SGMS2: variants seen among roughly 807,000 people sequenced by gnomAD.
The protein encoded by SGMS2 is sphingomyelin synthase 2, also known as phosphatidylcholine:ceramide cholinephosphotransferase 2.
SGMS2 carries 21 observed loss-of-function variants against 43.8 expected under a neutral mutation model. That is an observed-to-expected ratio of 0.48 (90% CI 0.34 to 0.69). The LOEUF (loss-of-function observed/expected upper bound fraction) is 0.69, where lower values mean the gene tolerates loss of function less well. SGMS2 is among the 30% of genes least tolerant of loss of function. The pLI is 0.01. For missense variants in SGMS2, 384 were observed against 443.2 expected (o/e 0.87, Z 1.20); for synonymous variants, 167 against 160.6 (o/e 1.04, Z -0.30).
chr4:107,891,877 G>A (rs548054652), intron 2 of SGMS2, among the ~76,000 whole-genome samples: 2 of 152,168 alleles, frequency 1.3e-5, no homozygotes, highest in South Asian at 4.1e-4. Flanking sequence ...GAGCCTACAC[G>A]TTGAACATAC....
chr4:107,834,244 A>G (rs1229003593), intron 1 of SGMS2, among the ~76,000 whole-genome samples: 2 of 152,196 alleles, frequency 1.3e-5, no homozygotes, highest in Non-Finnish European at 2.9e-5. Context: ...TTACATTTTG[A>G]CGGCTGTTTT....
chr4:107,832,553 T>C (rs114218345), intron 1 of SGMS2, among the ~76,000 whole-genome samples: 2,750 of 152,336 alleles, frequency 0.018, 49 homozygotes, highest in Non-Finnish European at 0.03. Flanking sequence ...CTGCAGAGTC[T>C]AATCACTGCA....
chr4:107,901,561 A>G (rs1018260611), intron 4 of SGMS2, among the ~76,000 whole-genome samples: 1 of 152,230 alleles, frequency 6.6e-6, no homozygotes, highest in Non-Finnish European at 1.5e-5. Context: ...AGACATGCTT[A>G]CAAGAGCCAA....
intron 1 of SGMS2, among the ~76,000 whole-genome samples, chr4:107,834,524 G>A (rs1056847461): frequency 1.3e-5 from 2 of 152,160 alleles, no homozygotes; most frequent in East Asian, 3.9e-4. Context: ...TACTGGGATG[G>A]TGGAGATTAT....
chr4:107,896,155 C>G (rs1261367365), intron 3 of SGMS2, 147 bp downstream of exon 3: 18 of 755,776 alleles, frequency 2.4e-5, no homozygotes, highest in Non-Finnish European at 3.5e-5. Flanking sequence ...AAAGCTCTAC[C>G]ACATTGAATA....
intron 1 of SGMS2, among the ~76,000 whole-genome samples, chr4:107,850,394 A>T (rs144146153): frequency 6.6e-6 from 1 of 152,306 alleles, no homozygotes; most frequent in Non-Finnish European, 1.5e-5. Context: ...GTGATGGAAA[A>T]CTGGTATTGT....
intron 1 of SGMS2, among the ~76,000 whole-genome samples, chr4:107,846,939 T>C (rs995401463): frequency 1.3e-5 from 2 of 152,162 alleles, no homozygotes; most frequent in East Asian, 1.9e-4. Context: ...TCATATCCTT[T>C]GCCCACTTTT....
At chr4:107,894,117 C>A (rs911904820) in intron 2 of SGMS2, 6 of 151,844 alleles carry the variant, frequency 4.0e-5, no homozygotes, top group Non-Finnish European at 8.8e-5. Flanking sequence ...TGTTTTTTTT[C>A]TTTCATTAAA....
chr4:107,844,839 G>A (rs1286367265), intron 1 of SGMS2, among the ~76,000 whole-genome samples: 2 of 152,160 alleles, frequency 1.3e-5, no homozygotes, highest in Non-Finnish European at 2.9e-5. Context: ...ATTTAACCAG[G>A]TATAGTCAAA....
At chr4:107,840,101 T>G (rs1345368261) in intron 1 of SGMS2, among the ~76,000 whole-genome samples, 1 of 152,226 alleles carries the variant, frequency 6.6e-6, no homozygotes, top group Non-Finnish European at 1.5e-5. Flanking sequence ...ATATCCTGTT[T>G]TAATCCACAT....
intron 1 of SGMS2, among the ~76,000 whole-genome samples, chr4:107,847,647 T>C (rs1726909224): frequency 6.6e-6 from 1 of 152,220 alleles, no homozygotes; most frequent in Non-Finnish European, 1.5e-5. Flanking sequence ...TTTTGACTAA[T>C]GTTTGGGTGT....
intron 1 of SGMS2, among the ~76,000 whole-genome samples, chr4:107,844,726 C>T (rs958003071): frequency 2.0e-5 from 3 of 152,090 alleles, no homozygotes; most frequent in Non-Finnish European, 1.5e-5. Flanking sequence ...TGTCTATTCT[C>T]ATTAAGACTT....
At chr4:107,866,066 A>C (rs1412915411) in intron 2 of SGMS2, among the ~76,000 whole-genome samples, 1 of 152,216 alleles carries the variant, frequency 6.6e-6, no homozygotes, top group Non-Finnish European at 1.5e-5. Flanking sequence ...CAAGTGGCAG[A>C]GTCAGGGTTA....
chr4:107,913,812 G>A lies in SGMS2; in HGVS notation c.*3259G>A, dbSNP rs1732274374. The A allele has an allele frequency of 1.3e-5, 2 of 151,696 alleles. No individual in the cohort carries two copies. Among genetic ancestry groups the A allele is most frequent in the Admixed American group, 1.3e-4 (2 of 15,194 alleles). 9.4% of individuals were successfully genotyped at this position (151,696 alleles called of 1,614,324 possible). A position where few individuals can be genotyped will look rare whatever the true frequency, so the allele number is the denominator to read the frequency against. ...TTGAAACACCAAATTTGTTGTCTTG[G>A]TTTTTTTTACATGACAGAACTCATG... On this transcript the variant is annotated 3_prime_UTR_variant, in exon 7 of 7. Transcript: ENST00000690982.
chr4:107,885,924 CTTAT>C (rs1415599631), intron 2 of SGMS2, among the ~76,000 whole-genome samples: 2 of 152,018 alleles, frequency 1.3e-5, no homozygotes, highest in Admixed American at 1.3e-4. Context: ...ATGTTCAGAA[CTTAT>C]TTGAGGAAAG....
intron 1 of SGMS2, among the ~76,000 whole-genome samples, chr4:107,834,653 T>C (rs1726071155): frequency 6.6e-6 from 1 of 152,206 alleles, no homozygotes; most frequent in Admixed American, 6.5e-5. Context: ...GGTGACATCA[T>C]TCATTGGGTC....
chr4:107,869,056 T>A (rs1728356440), intron 2 of SGMS2, among the ~76,000 whole-genome samples: 1 of 152,196 alleles, frequency 6.6e-6, no homozygotes, highest in African/African-American at 2.4e-5. Context: ...ATGAACATGT[T>A]GGGCACAAAG....
At chr4:107,897,707 A>G (rs1052804088) in intron 3 of SGMS2, among the ~76,000 whole-genome samples, 4 of 152,182 alleles carry the variant, frequency 2.6e-5, no homozygotes, top group Non-Finnish European at 5.9e-5. Flanking sequence ...ATAAATTTTA[A>G]TGATATCCAC....
At chr4:107,862,728 A>G (rs1421832084) in intron 2 of SGMS2, among the ~76,000 whole-genome samples, 3 of 152,188 alleles carry the variant, frequency 2.0e-5, no homozygotes, top group Non-Finnish European at 4.4e-5. Flanking sequence ...TCAGCAGTCT[A>G]GTGTTGGGAG....
Sources: gnomAD v4.1 joint callset for allele counts (sites outside exome capture counted in the v4.1 genomes callset) on GRCh38, gnomAD v4.1.1 for gene constraint, MANE v1.5 for transcripts, NCBI Gene and HGNC (gene_info 2026-07-23, HGNC 2026-07-21) for gene names.